ROBO2: variants seen among roughly 807,000 people sequenced by gnomAD.
The protein encoded by ROBO2 is roundabout guidance receptor 2, also known as roundabout homolog 2.
ROBO2 carries 53 observed loss-of-function variants against 160.8 expected under a neutral mutation model. The observed-to-expected ratio is 0.33, with a 90% CI of 0.26 to 0.41. The LOEUF (loss-of-function observed/expected upper bound fraction) is 0.41. Ranked by LOEUF, ROBO2 falls within the 10% of genes least tolerant of loss-of-function variation. The probability of loss-of-function intolerance (pLI) is 1.00; values close to 1 mark genes in which losing one functional copy is unlikely to be tolerated. For missense variants in ROBO2, 1,577 were observed against 1,722.4 expected, an observed-to-expected ratio of 0.92 and a Z score of 1.49; for synonymous variants, 664 against 611.7, an observed-to-expected ratio of 1.09 and a Z score of -1.26.
intron 2 of ROBO2, among the ~76,000 whole-genome samples, chr3:76,936,535 A>T (rs2077712877): frequency 1.3e-5 from 2 of 151,962 alleles, no homozygotes; most frequent in African/African-American, 2.4e-5. Context: ...GACCTGAAGG[A>T]TTTATGAGGT....
At chr3:76,721,351 A>G (rs2093463931) in intron 2 of ROBO2, among the ~76,000 whole-genome samples, 1 of 152,150 alleles carries the variant, frequency 6.6e-6, no homozygotes, top group Non-Finnish European at 1.5e-5. Flanking sequence ...CCTTCCTATT[A>G]ATTATAAAGT....
intron 2 of ROBO2, among the ~76,000 whole-genome samples, chr3:76,918,369 A>C (rs947237407): frequency 1.4e-4 from 22 of 152,160 alleles, no homozygotes; most frequent in Admixed American, 1.0e-3. Context: ...CATGATTGTA[A>C]GTTTCCTGAG....
At chr3:76,907,823 G>GTGTGTGTGTGTGTGT (rs2075705102) in intron 2 of ROBO2, among the ~76,000 whole-genome samples, 294 of 145,520 alleles carry the variant, frequency 2.0e-3, no homozygotes, top group African/African-American at 7.0e-3. Flanking sequence ...GTTTGTTTGG[G>GTGTGTGTGTGTGTGT]GTGTGTGTGT....
At chr3:76,412,249 T>C (rs1317812708) in intron 2 of ROBO2, among the ~76,000 whole-genome samples, 16 of 152,180 alleles carry the variant, frequency 1.1e-4, no homozygotes, top group Admixed American at 1.0e-3. Flanking sequence ...CCCCCTGGGT[T>C]ACTCCCACAA....
At chr3:77,578,968 A>G (rs190120907) in intron 15 of ROBO2, among the ~76,000 whole-genome samples, 99 of 152,118 alleles carry the variant, frequency 6.5e-4, no homozygotes, top group Non-Finnish European at 9.4e-4. Context: ...GCACATATGT[A>G]GGTAAGAGCT....
chr3:76,935,376 C>A (rs1261063023), intron 2 of ROBO2, among the ~76,000 whole-genome samples: 1 of 152,178 alleles, frequency 6.6e-6, no homozygotes, highest in Non-Finnish European at 1.5e-5. Flanking sequence ...TGTTAACAAA[C>A]CTACAGACCT....
intron 2 of ROBO2, among the ~76,000 whole-genome samples, chr3:76,776,072 C>T (rs2062231668): frequency 6.6e-6 from 1 of 150,828 alleles, no homozygotes; most frequent in African/African-American, 2.4e-5. Context: ...CCCTATGTAA[C>T]TTCTTTCTCT....
In ROBO2 at chr3:76,212,424, A is replaced by G. The variant is rs190866878; in HGVS notation, c.109+274822A>G. On this transcript the variant is annotated intron_variant, in intron 2 of 26. Transcript: ENST00000487694. Reference sequence around the variant, plus strand: ...AATGTAATATGCATTATTACAGGCTAAAATAGAAATCAGAAAATATAATTT... The same window carrying G: ...AATGTAATATGCATTATTACAGGCTGAAATAGAAATCAGAAAATATAATTT... Among the ~76,000 whole-genome samples, 695 of 152,176 alleles carry G rather than the reference A, an allele frequency of 4.6e-3. 12 individuals carry two copies. Among genetic ancestry groups the G allele is most frequent in the Admixed American group, 0.014 (217 of 15,284 alleles).
intron 2 of ROBO2, among the ~76,000 whole-genome samples, chr3:76,631,585 G>A (rs1323718746): frequency 2.0e-5 from 3 of 152,206 alleles, no homozygotes; most frequent in Non-Finnish European, 2.9e-5. Context: ...ACATAAGATC[G>A]TAAGCCTGGA....
chr3:77,336,627 A>T (rs1406052757), intron 2 of ROBO2, among the ~76,000 whole-genome samples: 2 of 152,028 alleles, frequency 1.3e-5, no homozygotes, highest in South Asian at 2.1e-4. Context: ...AAATTTTAGT[A>T]ATACATTATG....
chr3:77,481,108 G>A (rs2084638205), exon 4 of ROBO2: 2 of 1,612,240 alleles, frequency 1.2e-6, no homozygotes, highest in Non-Finnish European at 1.7e-6. Flanking sequence ...GATCCGTGGT[G>A]GAAAACTGAT....
At chr3:76,783,082 T>C (rs1298188811) in intron 2 of ROBO2, among the ~76,000 whole-genome samples, 1 of 150,822 alleles carries the variant, frequency 6.6e-6, no homozygotes, top group Non-Finnish European at 1.5e-5. Flanking sequence ...GAGACTTATA[T>C]AAAACTTGAT....
chr3:77,221,310 T>C (rs1007877638), intron 2 of ROBO2, among the ~76,000 whole-genome samples: 30 of 152,240 alleles, frequency 2.0e-4, no homozygotes, highest in African/African-American at 6.8e-4. Context: ...TCTTTTAAAA[T>C]GAGTTGTATA....
intron 2 of ROBO2, among the ~76,000 whole-genome samples, chr3:76,652,802 A>G (rs537513498): frequency 9.2e-5 from 14 of 152,216 alleles, no homozygotes; most frequent in African/African-American, 3.4e-4. Context: ...AGAGAGTTCA[A>G]TGATGCTTGA....
intron 2 of ROBO2, among the ~76,000 whole-genome samples, chr3:76,605,626 A>C (rs559923785): frequency 6.6e-6 from 1 of 152,294 alleles, no homozygotes; most frequent in Non-Finnish European, 1.5e-5. Flanking sequence ...AAAGGATAAG[A>C]CTGGAGTAAT....
intron 2 of ROBO2, among the ~76,000 whole-genome samples, chr3:76,521,296 G>A (rs528043723): frequency 2.0e-5 from 3 of 152,174 alleles, no homozygotes; most frequent in South Asian, 2.1e-4. Flanking sequence ...TGATCCGCCC[G>A]CCTTGGCCTC....
intron 2 of ROBO2, among the ~76,000 whole-genome samples, chr3:76,313,041 G>C (rs1465229495): frequency 6.6e-6 from 1 of 152,168 alleles, no homozygotes. Flanking sequence ...AAATTTGCTA[G>C]CTCTGCTGTG....
intron 2 of ROBO2, among the ~76,000 whole-genome samples, chr3:77,192,092 T>C (rs1341788273): frequency 6.6e-6 from 1 of 152,142 alleles, no homozygotes; most frequent in Non-Finnish European, 1.5e-5. Flanking sequence ...TTTAGCGAAG[T>C]TGGATATGCA....
At chr3:76,660,737 C>G (rs1476702994) in intron 2 of ROBO2, among the ~76,000 whole-genome samples, 1 of 152,048 alleles carries the variant, frequency 6.6e-6, no homozygotes, top group Non-Finnish European at 1.5e-5. Flanking sequence ...CTGAATAATA[C>G]CAAGAGCCAA....
Sources: gnomAD v4.1 joint callset for allele counts (sites outside exome capture counted in the v4.1 genomes callset) on GRCh38, gnomAD v4.1.1 for gene constraint, MANE v1.5 for transcripts, NCBI Gene and HGNC (gene_info 2026-07-23, HGNC 2026-07-21) for gene names.